Variants in C4orf33 observed in about 807,000 individuals in gnomAD.
C4orf33 encodes the protein chromosome 4 open reading frame 33, also known as UPF0462 protein C4orf33.
A neutral mutation model predicts 24.3 loss-of-function variants in C4orf33; 20 were observed. The ratio of observed to expected loss-of-function variants is 0.82; its 90% CI spans 0.58 to 1.19. C4orf33 has a LOEUF of 1.19. Ranked by LOEUF, C4orf33 falls within the 50% of genes most tolerant of loss-of-function variation. The pLI is 0.00. For synonymous variants in C4orf33, 67 were observed against 76.4 expected, an observed-to-expected ratio of 0.88 and a Z score of 0.64; for missense variants, 207 against 225.9, an observed-to-expected ratio of 0.92 and a Z score of 0.54.
intron 1 of C4orf33, chr4:129,100,836 C>T (rs1034178265): frequency 2.0e-5 from 3 of 152,136 alleles, no homozygotes; most frequent in Non-Finnish European, 2.9e-5. Flanking sequence ...GCATTTCTAA[C>T]GTCTTGATTT....
chr4:129,107,481 G>T (rs1214188059), intron 3 of C4orf33, among the ~76,000 whole-genome samples: 1 of 151,888 alleles, frequency 6.6e-6, no homozygotes, highest in Non-Finnish European at 1.5e-5. Context: ...TCCTTTTGTA[G>T]GCTGGACAGA....
At chr4:129,099,700 A>T (rs938188627) in intron 1 of C4orf33, among the ~76,000 whole-genome samples, 1 of 152,224 alleles carries the variant, frequency 6.6e-6, no homozygotes, top group Admixed American at 6.5e-5. Flanking sequence ...TTGACAATTA[A>T]GTTGTCTTTA....
At chr4:129,107,313 C>T (rs1304039233) in intron 3 of C4orf33, among the ~76,000 whole-genome samples, 1 of 151,852 alleles carries the variant, frequency 6.6e-6, no homozygotes, top group Non-Finnish European at 1.5e-5. Flanking sequence ...GGTTGGCAAA[C>T]TATTTCTTTT....
At chr4:129,101,914 T>C (rs769822429) in intron 1 of C4orf33, among the ~76,000 whole-genome samples, 4 of 152,104 alleles carry the variant, frequency 2.6e-5, no homozygotes, top group Non-Finnish European at 5.9e-5. Flanking sequence ...AAACTGAAAG[T>C]GTATATGCTG....
intron 3 of C4orf33, among the ~76,000 whole-genome samples, chr4:129,109,041 C>A (rs1408672809): frequency 1.3e-5 from 2 of 152,180 alleles, no homozygotes; most frequent in Non-Finnish European, 2.9e-5. Context: ...CACACGCCAC[C>A]ATGCCTGGCT....
At chr4:129,096,326 CCTG>C (rs1561084821) in intron 1 of C4orf33, 117 bp downstream of exon 1, 1 of 152,146 alleles carries the variant, frequency 6.6e-6, no homozygotes. Flanking sequence ...TCAGCTGTCT[CCTG>C]CTAAGTGAGC....
chr4:129,111,852 T>A lies in C4orf33; in HGVS notation c.*61T>A, dbSNP rs565955274. On this transcript the variant is annotated 3_prime_UTR_variant, in exon 6 of 6. Coordinates refer to ENST00000425929, the MANE Select transcript of C4orf33 (RefSeq NM_001099783.2). ...TATACCTTTTAAGATAAACAAAAAA[T>A]AAATATCAATTTTTTAAGATGTCAT... 1.8e-5 allele frequency: 16 copies of A among 890,670 alleles called. No individual in the cohort carries two copies. In the African/African-American group the frequency reaches 2.7e-4, roughly 15 times the overall value. The allele number at this position is 890,670 out of a possible 1,614,324, so 55.2% of individuals were successfully genotyped here. A position where few individuals can be genotyped will look rare whatever the true frequency, so the allele number is the denominator to read the frequency against.
chr4:129,111,644 A>G (rs768742491), intron 5 of C4orf33, 42 bp from the exon 6 acceptor site: 6 of 1,195,980 alleles, frequency 5.0e-6, no homozygotes, highest in African/African-American at 4.5e-5. Flanking sequence ...TCACAAATGC[A>G]TAATTCATTT....
At chr4:129,098,459 A>G (rs1753262969) in intron 1 of C4orf33, among the ~76,000 whole-genome samples, 1 of 152,216 alleles carries the variant, frequency 6.6e-6, no homozygotes, top group Non-Finnish European at 1.5e-5. Context: ...TGCTTAGAAT[A>G]ATAGCCTCCA....
chr4:129,101,945 C>T (rs1339281874), intron 1 of C4orf33: 1 of 152,072 alleles, frequency 6.6e-6, no homozygotes, highest in Non-Finnish European at 1.5e-5. Flanking sequence ...AGGCAAAATT[C>T]AACTCTACTA....
intron 3 of C4orf33, among the ~76,000 whole-genome samples, chr4:129,108,826 A>T (rs1048942362): frequency 6.6e-6 from 1 of 152,216 alleles, no homozygotes; most frequent in African/African-American, 2.4e-5. Flanking sequence ...TGGTAAACCC[A>T]AAGATGTCAT....
chr4:129,102,950 C>T, intron 2 of C4orf33, 159 bp downstream of exon 2: 1 of 543,032 alleles, frequency 1.8e-6, no homozygotes, highest in Non-Finnish European at 3.1e-6. Context: ...CTGACTTTTT[C>T]TCCATTACCT....
intron 1 of C4orf33, among the ~76,000 whole-genome samples, chr4:129,101,143 TTATC>T (rs2125799898): frequency 6.6e-6 from 1 of 152,274 alleles, no homozygotes; most frequent in Non-Finnish European, 1.5e-5. Context: ...ATTTTAGAGA[TTATC>T]TAGTAAAATT....
chr4:129,108,553 T>C (rs1174086461), intron 3 of C4orf33, among the ~76,000 whole-genome samples: 1 of 152,204 alleles, frequency 6.6e-6, no homozygotes, highest in Non-Finnish European at 1.5e-5. Context: ...CATTTTTTAT[T>C]TTCCTAATGA....
In C4orf33 at chr4:129,111,679, C is replaced by CAGCAAGGACAAAAACCTGA. The variant is rs1753693416; in HGVS notation, c.495-7_495-6insAGCAAGGACAAAAACCTGA. The CAGCAAGGACAAAAACCTGA allele has an allele frequency of 6.4e-7, 1 of 1,559,052 alleles. No individual in the cohort carries two copies. The highest frequency in any genetic ancestry group is 1.7e-5 in the Admixed American group (1 of 57,712). On this transcript the variant is annotated splice_region_variant and splice_polypyrimidine_tract_variant and intron_variant, in intron 5 of 5. Coordinates refer to ENST00000425929, the MANE Select transcript of C4orf33 (RefSeq NM_001099783.2). ...TCAATTCCCACCTTCTTTTTCTTTG[C>CAGCAAGGACAAAAACCTGA]TTTTAGCCATTGCCTAGAATACTTC...
At chr4:129,109,091 A>G (rs1010670014) in intron 3 of C4orf33, among the ~76,000 whole-genome samples, 8 of 152,098 alleles carry the variant, frequency 5.3e-5, no homozygotes, top group Non-Finnish European at 8.8e-5. Flanking sequence ...GAGTTTCACC[A>G]TGTTGGCCAG....
rs984215631 is a variant in C4orf33 at position 129,116,197 on chromosome 4, T to A, written c.*4406T>A. On this transcript the variant is annotated 3_prime_UTR_variant, in exon 6 of 6. Coordinates refer to ENST00000425929, the MANE Select transcript of C4orf33 (RefSeq NM_001099783.2). ...AGTAATTAAAATATTCTTTTCCATG[T>A]AATGGGATCTACGAGTAAATTTTTG... 2 of 152,138 alleles carry A rather than the reference T, an allele frequency of 1.3e-5. No individual in the cohort carries two copies. The highest frequency in any genetic ancestry group is 4.8e-5 in the African/African-American group (2 of 41,436). The allele number at this position is 152,138 out of a possible 1,614,324, so 9.4% of individuals were successfully genotyped here. A position where few individuals can be genotyped will look rare whatever the true frequency, so the allele number is the denominator to read the frequency against.
rs869132605 is a variant in C4orf33 at position 129,115,829 on chromosome 4, TA to T, written c.*4042del. The T allele has an allele frequency of 1.5e-4, 7 of 47,680 alleles. No homozygotes were observed. The highest frequency in any genetic ancestry group is 2.5e-4 in the Non-Finnish European group (5 of 20,256). The allele number at this position is 47,680 out of a possible 1,614,324, so 3.0% of individuals were successfully genotyped here. A position where few individuals can be genotyped will look rare whatever the true frequency, so the allele number is the denominator to read the frequency against. On this transcript the variant is annotated 3_prime_UTR_variant, in exon 6 of 6. Transcript: ENST00000425929. ...ATATATATATATATATATATATATA[TA>T]AAATATATATGTTTATATATAACAT...
At chr4:129,102,842 C>A (rs1344921519) in intron 2 of C4orf33, 51 bp downstream of exon 2, 2 of 1,487,540 alleles carry the variant, frequency 1.3e-6, no homozygotes, top group Non-Finnish European at 1.8e-6. Context: ...CTTATAATAA[C>A]CTCTCACAGA....
Sources: gnomAD v4.1 joint callset for allele counts (sites outside exome capture counted in the v4.1 genomes callset) on GRCh38, gnomAD v4.1.1 for gene constraint, MANE v1.5 for transcripts, NCBI Gene and HGNC (gene_info 2026-07-23, HGNC 2026-07-21) for gene names.